The following SBNO2 variants were observed in gnomAD, a reference collection of about 807,000 sequenced individuals.
SBNO2 encodes protein strawberry notch homolog 2.
In SBNO2, 89 loss-of-function variants were observed where a neutral mutation model predicts 146.3. The ratio of observed to expected loss-of-function variants is 0.61; its 90% CI spans 0.51 to 0.73. The LOEUF is 0.73. SBNO2 is among the 30% of genes least tolerant of loss of function. SBNO2 has a pLI of 0.00. For synonymous variants in SBNO2, 1,147 were observed against 892.6 expected, an observed-to-expected ratio of 1.29 and a Z score of -5.08; for missense variants, 2,092 against 2,003.7, an observed-to-expected ratio of 1.04 and a Z score of -0.84.
At chr19:1,141,306 C>A (rs1047449979) in intron 4 of SBNO2, among the ~76,000 whole-genome samples, 7 of 152,010 alleles carry the variant, frequency 4.6e-5, no homozygotes, top group African/African-American at 1.7e-4. Context: ...CCTCTGCTTC[C>A]CGAGTTCAAG....
At chr19:1,159,712 C>T (rs980586658) in intron 1 of SBNO2, among the ~76,000 whole-genome samples, 7 of 75,466 alleles carry the variant, frequency 9.3e-5, no homozygotes, top group African/African-American at 3.3e-4. Flanking sequence ...GATGGGACAG[C>T]GGGGGGACAG....
Position 1,168,316 on chromosome 19 carries a change from G to A in SBNO2, c.-127+5856C>T, listed in dbSNP as rs1053589415. On this transcript the variant is annotated intron_variant, in intron 1 of 31. Transcript: ENST00000361757. ...ATTCCAGGATCTGATAAAAGCCCCC[G>A]AAAATGCCCCGGTCAGCCCAGCCAC... is the stretch of plus-strand genomic sequence containing the variant. Among the ~76,000 whole-genome samples the A allele has an allele frequency of 1.6e-4, 24 of 152,092 alleles. No homozygotes were observed. In the East Asian group the frequency reaches 3.9e-3, roughly 25 times the overall value.
At chr19:1,141,945 C>G (rs2080141300) in intron 4 of SBNO2, among the ~76,000 whole-genome samples, 1 of 151,950 alleles carries the variant, frequency 6.6e-6, no homozygotes, top group Non-Finnish European at 1.5e-5. Flanking sequence ...TGACCTCCTG[C>G]ATTCCCAGGG....
At chr19:1,143,668 G>A (rs916191317) in intron 4 of SBNO2, among the ~76,000 whole-genome samples, 7 of 152,154 alleles carry the variant, frequency 4.6e-5, no homozygotes, top group Admixed American at 2.6e-4. Context: ...CCCCCTTCAC[G>A]GCCAGAGCGC....
chr19:1,122,321 C>A (rs2079910666), intron 10 of SBNO2, 39 bp from the exon 11 acceptor site: 1 of 1,528,954 alleles, frequency 6.5e-7, no homozygotes. Flanking sequence ...GGGGCCCCGG[C>A]TCAGCAGGCT....
intron 17 of SBNO2, 168 bp downstream of exon 17, chr19:1,115,852 AC>A (rs2079824813): frequency 1.5e-6 from 1 of 671,106 alleles, no homozygotes; most frequent in East Asian, 2.7e-5. Flanking sequence ...GGCAGGGTCC[AC>A]GCAAGACCTG....
At chr19:1,161,927 T>TG (rs1568638145) in intron 1 of SBNO2, among the ~76,000 whole-genome samples, 4 of 8,216 alleles carry the variant, frequency 4.9e-4, no homozygotes, top group Admixed American at 1.4e-3. Flanking sequence ...GGGGGGGGGT[T>TG]GGGCCAGGCC....
intron 13 of SBNO2, 36 bp downstream of exon 13, chr19:1,119,480 C>T (rs1366800257): frequency 7.0e-7 from 1 of 1,430,592 alleles, no homozygotes; most frequent in African/African-American, 1.4e-5. Context: ...TCCCCACCCC[C>T]CGCCGCCCCT....
At position 1,108,581 on chromosome 19, in the gene SBNO2, A is replaced by G. The variant is rs1396393430; in HGVS notation, c.3740T>C (p.Leu1247Pro). The G allele has an allele frequency of 8.2e-7, 1 of 1,222,878 alleles. No homozygotes were observed. The highest frequency in any genetic ancestry group is 1.7e-5 in the African/African-American group (1 of 60,226). 75.8% of individuals were successfully genotyped at this position (1,222,878 alleles called of 1,614,324 possible). A position where few individuals can be genotyped will look rare whatever the true frequency, so the allele number is the denominator to read the frequency against. Reference sequence around the variant, plus strand: ...CTCTCCGGGGCCGCAAGGCAGCGCCAGCGGGCGCGGGGCGGGCGGGGCGGG... The same window carrying G: ...CTCTCCGGGGCCGCAAGGCAGCGCCGGCGGGCGCGGGGCGGGCGGGGCGGG... The part of the protein sequence containing the change: ...GCPAPPAPRP[L>P]ALPCGPGEVL... The change falls in exon 32 of 32, where the codon CTG (leucine) becomes CCG (proline). Residue 1247 changes from leucine to proline, a missense_variant. Coordinates refer to ENST00000361757, the MANE Select transcript of SBNO2 (RefSeq NM_014963.3).
intron 2 of SBNO2, 69 bp downstream of exon 2, chr19:1,154,115 C>A: frequency 1.3e-6 from 1 of 748,618 alleles, no homozygotes. Context: ...GACGTGACCC[C>A]GGGCACTCGG....
At position 1,119,195 on chromosome 19, in the gene SBNO2, G is replaced by A. The variant is rs550164961; in HGVS notation, c.1374-31C>T. On this transcript the variant is annotated intron_variant, in intron 13 of 31. Coordinates refer to ENST00000361757, the MANE Select transcript of SBNO2 (RefSeq NM_014963.3). ...GATGGACACAGCCCCCGTGAGCACG[G>A]CCAGAGCCCGTGGGGATGGAGCCAC... 1.7e-3 allele frequency: 2,722 copies of A among 1,570,094 alleles called. 80 individuals are homozygous for A. The South Asian group carries it at 0.03, about 17-fold the overall frequency.
intron 4 of SBNO2, among the ~76,000 whole-genome samples, chr19:1,145,105 A>T (rs975648722): frequency 6.6e-6 from 1 of 151,428 alleles, no homozygotes; most frequent in African/African-American, 2.4e-5. Flanking sequence ...GCAGAGAGAG[A>T]TTGAGAGGGA....
In SBNO2 at chr19:1,124,007, T is replaced by G; in HGVS notation, c.457A>C (p.Arg153=). 6.2e-7 allele frequency: 1 copy of G among 1,611,412 alleles called. No homozygotes were observed. The highest frequency in any genetic ancestry group is 1.3e-5 in the African/African-American group (1 of 74,978). Residue 153 remains arginine, a synonymous_variant, in exon 6 of 32, where the codon AGG becomes CGG. Transcript: ENST00000361757. The part of the protein sequence containing the change: ...STHDKLFQLS[R]PFAGFEDFLP... ...AAGTCCTCGAAGCCTGCAAACGGCC[T>G]GCTGAGCTGGAACAGCTGGAAGGGG...
chr19:1,112,662 C>A lies in SBNO2; in HGVS notation c.2380-125G>T. 1.4e-6 allele frequency: 2 copies of A among 1,440,464 alleles called. No homozygotes were observed. The highest frequency in any genetic ancestry group is 1.4e-5 in the African/African-American group (1 of 70,520). 89.2% of individuals were successfully genotyped at this position (1,440,464 alleles called of 1,614,324 possible). On this transcript the variant is annotated intron_variant, in intron 20 of 31. Transcript: ENST00000361757. The surrounding 1 kb of genome is among the most constrained non-coding windows in gnomAD (Gnocchi z 5.9). ...ACGTCCCGGGGCAGCGAGAGGCCTG[C>A]GGGGCGCGGACACCACCCGCCACAC...
chr19:1,158,385 C>T lies in SBNO2; in HGVS notation c.-126-3983G>A, dbSNP rs968125534. 1.9e-4 allele frequency among the ~76,000 whole-genome samples: 29 copies of T among 152,184 alleles called. No homozygotes were observed. Among genetic ancestry groups the T allele is most frequent in the African/African-American group, 6.3e-4 (26 of 41,430 alleles). On this transcript the variant is annotated intron_variant, in intron 1 of 31. Coordinates refer to ENST00000361757, the MANE Select transcript of SBNO2 (RefSeq NM_014963.3). This position sits in a 1 kb window ranked among gnomAD's most constrained non-coding sequence, Gnocchi z 9.9. ...CGGAGGCCCCTAGGTGGAGCCTTGA[C>T]GTGACCCCCAGAGCCAGACTCAGCA...
chr19:1,111,945 C>T (rs1341142566), intron 23 of SBNO2, 51 bp downstream of exon 23: 6 of 1,502,932 alleles, frequency 4.0e-6, no homozygotes, highest in Middle Eastern at 2.4e-4. Context: ...TCCGGCCCTC[C>T]CTAGACCCCT....
At chr19:1,171,634 G>A (rs1046125970) in intron 1 of SBNO2, among the ~76,000 whole-genome samples, 4 of 152,142 alleles carry the variant, frequency 2.6e-5, no homozygotes, top group East Asian at 1.9e-4. Context: ...TCACTCTGGC[G>A]GTGTTGGCGT....
At chr19:1,145,487 A>C (rs2145292841) in intron 4 of SBNO2, among the ~76,000 whole-genome samples, 1 of 151,296 alleles carries the variant, frequency 6.6e-6, no homozygotes, top group East Asian at 1.9e-4. Flanking sequence ...AAAAAAAAAA[A>C]AGAAAGAAAG....
chr19:1,166,463 C>T (rs2080425840), intron 1 of SBNO2, among the ~76,000 whole-genome samples: 1 of 152,186 alleles, frequency 6.6e-6, no homozygotes, highest in Admixed American at 6.5e-5. Context: ...GCGGCTTCTG[C>T]TGCTGTGAGG....
Sources: allele counts gnomAD v4.1 joint callset (sites outside exome capture counted in the v4.1 genomes callset), GRCh38; gene constraint gnomAD v4.1.1; non-coding constraint Gnocchi (gnomAD v3.1); transcripts MANE v1.5; gene names NCBI Gene and HGNC (gene_info 2026-07-23, HGNC 2026-07-21).